CEP83: variants seen among roughly 807,000 people sequenced by gnomAD.
CEP83 encodes centrosomal protein of 83 kDa.
Under a neutral mutation model 101.9 loss-of-function variants are expected in CEP83, and 70 were observed. The ratio of observed to expected loss-of-function variants is 0.69; its 90% CI spans 0.57 to 0.84. The LOEUF is 0.84. Ranked by LOEUF, CEP83 falls within the 40% of genes least tolerant of loss-of-function variation. The pLI is 0.00. For missense variants in CEP83, 715 were observed against 787.2 expected, an observed-to-expected ratio of 0.91 and a Z score of 1.10; for synonymous variants, 264 against 267.9, an observed-to-expected ratio of 0.99 and a Z score of 0.14.
intron 3 of CEP83, among the ~76,000 whole-genome samples, 173 bp from the exon 4 acceptor site, chr12:94,412,020 T>C (rs1338182560): frequency 1.3e-5 from 2 of 152,208 alleles, no homozygotes; most frequent in Non-Finnish European, 2.9e-5. Context: ...CACTGTAGTT[T>C]TGGAATGCAA....
At chr12:94,304,886 G>C (rs967859423), downstream of CEP83, among the ~76,000 whole-genome samples, 4 of 152,210 alleles carry the variant, frequency 2.6e-5, no homozygotes, top group Non-Finnish European at 5.9e-5. Context: ...AGGAATGCTT[G>C]CTGTGCTTGG....
intron 11 of CEP83, among the ~76,000 whole-genome samples, chr12:94,355,615 TAAACTGGCCCCAAAACTGGC>T (rs1253221909): frequency 6.6e-6 from 1 of 151,972 alleles, no homozygotes; most frequent in East Asian, 2.0e-4. Context: ...AGTCTGGCCA[TAAACTGGCCCCAAAACTGGC>T]CATAAATAAA....
chr12:94,426,832 A>G (rs2065238407), intron 2 of CEP83, among the ~76,000 whole-genome samples: 2 of 152,182 alleles, frequency 1.3e-5, no homozygotes, highest in South Asian at 4.1e-4. Flanking sequence ...CAGAGACTGG[A>G]AAGATGTAGC....
intron 1 of CEP83, among the ~76,000 whole-genome samples, chr12:94,457,642 A>AT (rs1301870577): frequency 6.6e-6 from 1 of 152,330 alleles, no homozygotes; most frequent in East Asian, 1.9e-4. Context: ...AAGTCCATGG[A>AT]TTTTAGCAAT....
intron 13 of CEP83, 77 bp downstream of exon 13, chr12:94,333,405 T>C: frequency 3.2e-6 from 4 of 1,268,524 alleles, no homozygotes; most frequent in Non-Finnish European, 4.4e-6. Flanking sequence ...ATAATCAACA[T>C]TGGAATCATT....
chr12:94,335,660 T>G lies in CEP83; in HGVS notation c.1348A>C (p.Lys450Gln). 1.3e-6 allele frequency: 2 copies of G among 1,578,922 alleles called. No homozygotes were observed. Among genetic ancestry groups the G allele is most frequent in the Non-Finnish European group, 1.7e-6 (2 of 1,161,242 alleles). The change falls in exon 12 of 17, where the codon AAA becomes CAA. Residue 450 changes from lysine (K) to glutamine (Q), a missense_variant. Lys to Gln is a moderately conservative substitution (Grantham distance 53). Transcript: ENST00000397809. ...TRKELQSVRLKLQQQIVTIEN... is the reference protein window; with the variant it reads ...TRKELQSVRLQLQQQIVTIEN... ...ATAGTCACAATTTGTTGCTGAAGTTTTAACCTAAAAATCACAACCCAACAA... is the reference window on the plus strand; with the variant it reads ...ATAGTCACAATTTGTTGCTGAAGTTGTAACCTAAAAATCACAACCCAACAA...
intron 2 of CEP83, among the ~76,000 whole-genome samples, chr12:94,428,192 G>A (rs1249099865): frequency 1.3e-5 from 2 of 152,230 alleles, no homozygotes; most frequent in African/African-American, 4.8e-5. Context: ...CAAATGCTTA[G>A]TGTAAATTAC....
chr12:94,329,293 G>C (rs2059109087), intron 14 of CEP83, among the ~76,000 whole-genome samples: 1 of 151,820 alleles, frequency 6.6e-6, no homozygotes, highest in South Asian at 2.1e-4. Flanking sequence ...TTGAGATAGG[G>C]TCTTGCTGTG....
chr12:94,372,216 T>G (rs1302275969), intron 8 of CEP83, among the ~76,000 whole-genome samples: 1 of 151,986 alleles, frequency 6.6e-6, no homozygotes, highest in African/African-American at 2.4e-5. Context: ...TCGTGATCCA[T>G]CCGCCTCGGC....
intron 1 of CEP83, among the ~76,000 whole-genome samples, chr12:94,456,260 C>G (rs2138664545): frequency 6.6e-6 from 1 of 152,276 alleles, no homozygotes; most frequent in African/African-American, 2.4e-5. Flanking sequence ...GGGAAATTCT[C>G]AAATACTCAC....
intron 2 of CEP83, among the ~76,000 whole-genome samples, chr12:94,425,982 C>T (rs897206474): frequency 1.3e-5 from 2 of 151,876 alleles, no homozygotes; most frequent in South Asian, 2.1e-4. Flanking sequence ...ATTAGCTGGG[C>T]GTGGTGACAG....
At chr12:94,339,154 C>T (rs1219348508) in intron 11 of CEP83, among the ~76,000 whole-genome samples, 3 of 151,928 alleles carry the variant, frequency 2.0e-5, no homozygotes, top group East Asian at 1.9e-4. Flanking sequence ...TTAGTAGAGA[C>T]GGAGTTTCTC....
At chr12:94,341,879 C>G (rs144664897) in intron 11 of CEP83, among the ~76,000 whole-genome samples, 1 of 152,228 alleles carries the variant, frequency 6.6e-6, no homozygotes, top group African/African-American at 2.4e-5. Flanking sequence ...GCAGGAGAAA[C>G]AGGCTTAAAT....
the CEP83 span, among the ~76,000 whole-genome samples, chr12:94,299,918 GCC>G: frequency 6.6e-5 from 10 of 152,094 alleles, no homozygotes; most frequent in African/African-American, 2.4e-4. Context: ...GGAGCTGAGG[GCC>G]ACCATTCCAC....
At chr12:94,288,101 C>T in the CEP83 span, among the ~76,000 whole-genome samples, 1 of 152,242 alleles carries the variant, frequency 6.6e-6, no homozygotes, top group Non-Finnish European at 1.5e-5. Context: ...TCCTAACCTC[C>T]GAGGCAGCCT....
intron 2 of CEP83, among the ~76,000 whole-genome samples, chr12:94,430,763 G>C (rs577705833): frequency 6.6e-6 from 1 of 152,282 alleles, no homozygotes; most frequent in African/African-American, 2.4e-5. Flanking sequence ...AGATACAAGA[G>C]GCTCAGAGAT....
intron 11 of CEP83, among the ~76,000 whole-genome samples, chr12:94,360,339 C>G (rs2060689516): frequency 6.6e-6 from 1 of 151,988 alleles, no homozygotes; most frequent in Non-Finnish European, 1.5e-5. Flanking sequence ...TCAAAACTGT[C>G]CACTTGCAGA....
chr12:94,366,313 G>A (rs2061025218), intron 11 of CEP83, among the ~76,000 whole-genome samples: 1 of 152,078 alleles, frequency 6.6e-6, no homozygotes, highest in Non-Finnish European at 1.5e-5. Context: ...AGAATTTGGT[G>A]AGAAAAATCC....
chr12:94,369,897 AGC>A, intron 9 of CEP83, 23 bp downstream of exon 9: 1 of 1,134,932 alleles, frequency 8.8e-7, no homozygotes. Flanking sequence ...CAGCAGCAGC[AGC>A]AGCAAGGGAA....
Sources: gnomAD v4.1 joint callset for allele counts (sites outside exome capture counted in the v4.1 genomes callset) on GRCh38, gnomAD v4.1.1 for gene constraint, MANE v1.5 for transcripts, NCBI Gene and HGNC (gene_info 2026-07-23, HGNC 2026-07-21) for gene names.